Variants in PDE11A observed in about 807,000 individuals in gnomAD.
PDE11A encodes phosphodiesterase 11A.
PDE11A carries 100 observed loss-of-function variants against 100.5 expected under a neutral mutation model. The ratio of observed to expected loss-of-function variants is 1.00; its 90% CI spans 0.85 to 1.18. PDE11A has a LOEUF of 1.18. Among genes scored for constraint, PDE11A ranks in the 50% most tolerant of loss-of-function variants. PDE11A has a pLI of 0.00. For missense variants in PDE11A, 1,141 were observed against 1,152.6 expected (o/e 0.99, Z 0.15); for synonymous variants, 381 against 420.8 (o/e 0.91, Z 1.16).
At chr2:177,763,914 G>C (rs1461036222) in intron 10 of PDE11A, among the ~76,000 whole-genome samples, 4 of 152,306 alleles carry the variant, frequency 2.6e-5, no homozygotes, top group Admixed American at 2.0e-4. Context: ...CCAAGAGAAG[G>C]GGGGCAGCCC....
intron 9 of PDE11A, among the ~76,000 whole-genome samples, chr2:177,809,923 C>T (rs1345467642): frequency 2.0e-5 from 3 of 152,170 alleles, no homozygotes; most frequent in African/African-American, 7.2e-5. Context: ...AAAATCTTTC[C>T]TCGGAGCTTA....
At chr2:177,939,856 G>C (rs1461225476) in intron 2 of PDE11A, among the ~76,000 whole-genome samples, 1 of 152,006 alleles carries the variant, frequency 6.6e-6, no homozygotes, top group Non-Finnish European at 1.5e-5. Flanking sequence ...GAGAACAAAG[G>C]AATCTATACT....
chr2:178,072,698 C>A lies in PDE11A; in HGVS notation c.-261G>T, dbSNP rs2087153902. On this transcript the variant is annotated 5_prime_UTR_variant, in exon 1 of 20. Coordinates refer to ENST00000286063, the MANE Select transcript of PDE11A (RefSeq NM_016953.4). The stretch of plus-strand genomic sequence containing the variant: ...CAGCACTGAGCTGCCGCCGCTGCCC[C>A]GGCTCCTGTTCCGGAAACCCGAGCT... The A allele has an allele frequency of 1.0e-5, 14 of 1,399,714 alleles. No homozygotes were observed. In the South Asian group the frequency reaches 1.8e-4, roughly 18 times the overall value. 86.7% of individuals were successfully genotyped at this position (1,399,714 alleles called of 1,614,324 possible). A position where few individuals can be genotyped will look rare whatever the true frequency, so the allele number is the denominator to read the frequency against.
At chr2:178,092,532 T>C (rs1293163004) in intron 2 of PDE11A, 2 of 152,150 alleles carry the variant, frequency 1.3e-5, no homozygotes, top group African/African-American at 2.4e-5. Context: ...AAATACTGAA[T>C]AAGATCTTCT....
intron 6 of PDE11A, among the ~76,000 whole-genome samples, chr2:177,821,939 T>C (rs2083147653): frequency 6.6e-6 from 1 of 151,782 alleles, no homozygotes; most frequent in Non-Finnish European, 1.5e-5. Context: ...TGTTGGGTTG[T>C]CTGATTTTTA....
chr2:177,756,955 C>T (rs763584025), intron 10 of PDE11A, among the ~76,000 whole-genome samples: 12 of 152,348 alleles, frequency 7.9e-5, no homozygotes, highest in Non-Finnish European at 1.5e-4. Flanking sequence ...GGCTCACAAT[C>T]AGACGATAAG....
chr2:178,075,239 G>A (rs368461003), upstream of PDE11A, among the ~76,000 whole-genome samples: 5 of 152,144 alleles, frequency 3.3e-5, no homozygotes, highest in African/African-American at 1.2e-4. Flanking sequence ...GCCTTGAGGG[G>A]AGCAATGACA....
intron 10 of PDE11A, among the ~76,000 whole-genome samples, chr2:177,736,562 C>G (rs2081786815): frequency 6.6e-6 from 1 of 151,684 alleles, no homozygotes; most frequent in African/African-American, 2.4e-5. Flanking sequence ...AAGAATTTCC[C>G]CCTTTCACAG....
chr2:177,660,572 C>T (rs1392250623), intron 19 of PDE11A, among the ~76,000 whole-genome samples: 2 of 152,188 alleles, frequency 1.3e-5, no homozygotes, highest in Non-Finnish European at 2.9e-5. Context: ...AGGAGTTCCT[C>T]ATTGTTTTCC....
chr2:177,657,190 C>T (rs1230978088), intron 19 of PDE11A, among the ~76,000 whole-genome samples: 1 of 152,212 alleles, frequency 6.6e-6, no homozygotes, highest in Non-Finnish European at 1.5e-5. Flanking sequence ...ACTAATAACA[C>T]ATAGAATATT....
intron 19 of PDE11A, among the ~76,000 whole-genome samples, chr2:177,658,719 C>CTT (rs60062998): frequency 0.053 from 7,473 of 141,514 alleles, 355 homozygotes; most frequent in African/African-American, 0.12. Flanking sequence ...TGAGTGGTGT[C>CTT]TTTTTTTTTT....
chr2:177,928,647 A>G (rs1389244684), intron 2 of PDE11A, among the ~76,000 whole-genome samples: 1 of 152,268 alleles, frequency 6.6e-6, no homozygotes, highest in Non-Finnish European at 1.5e-5. Flanking sequence ...ACAATGGCTC[A>G]TGCCTATAAT....
At position 177,783,418 on chromosome 2, in the gene PDE11A, TC is replaced by T. The variant is rs375229322; in HGVS notation, c.1738-14046del. ...GTCCATGTTTTTGAGGTGGTTTTTTTCCCCCTGGAATTTGGACTGATTTCTA... is the reference window on the plus strand; with the variant it reads ...GTCCATGTTTTTGAGGTGGTTTTTTTCCCCTGGAATTTGGACTGATTTCTA... On this transcript the variant is annotated intron_variant, in intron 9 of 19. Transcript: ENST00000286063. Among the ~76,000 whole-genome samples the T allele has an allele frequency of 6.6e-5, 10 of 152,162 alleles. 1 individual carries two copies. Among genetic ancestry groups the T allele is most frequent in the Admixed American group, 3.3e-4 (5 of 15,286 alleles).
intron 2 of PDE11A, among the ~76,000 whole-genome samples, chr2:178,098,454 A>T (rs1559071188): frequency 6.6e-6 from 1 of 152,226 alleles, no homozygotes; most frequent in Non-Finnish European, 1.5e-5. Context: ...AAATAACAAC[A>T]TACATAAGTG....
chr2:177,797,103 T>C (rs2105546845), intron 9 of PDE11A: 1 of 152,336 alleles, frequency 6.6e-6, no homozygotes, highest in Middle Eastern at 3.4e-3. Flanking sequence ...CCTTAATTAC[T>C]GTCATCACAG....
At chr2:177,861,789 A>G (rs1171642050) in intron 5 of PDE11A, among the ~76,000 whole-genome samples, 1 of 151,944 alleles carries the variant, frequency 6.6e-6, no homozygotes, top group Non-Finnish European at 1.5e-5. Context: ...TTGACTTTCC[A>G]CATGGGTGGC....
intron 5 of PDE11A, among the ~76,000 whole-genome samples, chr2:177,862,683 G>A (rs1268928686): frequency 6.6e-6 from 1 of 151,764 alleles, no homozygotes; most frequent in Non-Finnish European, 1.5e-5. Context: ...AGAAACTGAA[G>A]AAAATACAAA....
At chr2:177,734,844 G>A (rs1216652696) in intron 10 of PDE11A, among the ~76,000 whole-genome samples, 1 of 152,194 alleles carries the variant, frequency 6.6e-6, no homozygotes, top group African/African-American at 2.4e-5. Flanking sequence ...TTGTTGTTAT[G>A]CTCATTATGA....
chr2:177,667,272 A>G (rs1479592356), intron 18 of PDE11A, among the ~76,000 whole-genome samples: 1 of 152,174 alleles, frequency 6.6e-6, no homozygotes, highest in African/African-American at 2.4e-5. Context: ...TCTCTGGGTC[A>G]TTTTGTCTTT....
Sources: gnomAD v4.1 joint callset for allele counts (sites outside exome capture counted in the v4.1 genomes callset) on GRCh38, gnomAD v4.1.1 for gene constraint, MANE v1.5 for transcripts, NCBI Gene and HGNC (gene_info 2026-07-23, HGNC 2026-07-21) for gene names.